SCUBE3: variants seen among roughly 807,000 people sequenced by gnomAD.
SCUBE3 encodes signal peptide, CUB and EGF-like domain-containing protein 3.
SCUBE3 carries 33 observed loss-of-function variants against 116.8 expected under a neutral mutation model. That is an observed-to-expected ratio of 0.28 (90% CI 0.21 to 0.38). The LOEUF is 0.38. Among genes scored for constraint, SCUBE3 ranks in the 10% least tolerant of loss-of-function variants. The probability of loss-of-function intolerance (pLI) is 1.00; values close to 1 mark genes in which losing one functional copy is unlikely to be tolerated. For synonymous variants in SCUBE3, 418 were observed against 496.9 expected (o/e 0.84, Z 2.11); for missense variants, 1,007 against 1,324.8 (o/e 0.76, Z 3.72).
In SCUBE3 at chr6:35,245,954, C is replaced by T. The variant is rs111721697; in HGVS notation, c.2610C>T (p.Ser870=). Residue 870 remains serine, a synonymous_variant, in exon 20 of 22, where the codon TCC becomes TCT. Transcript: ENST00000274938. This position sits in a 1 kb window ranked among gnomAD's most constrained non-coding sequence, Gnocchi z 4.2. ...TGCTTGCCTTCCCAGCATCCCCATC[C>T]TCCATTACCACTTATGAGACCTGCC... ...VLVMRKNSSP[S]SITTYETCQT... The T allele has an allele frequency of 3.7e-6, 6 of 1,614,086 alleles. No homozygotes were observed. In the African/African-American group the frequency reaches 4.0e-5, roughly 11 times the overall value.
At chr6:35,236,087 T>G (rs1275817560) in intron 6 of SCUBE3, among the ~76,000 whole-genome samples, 2 of 152,230 alleles carry the variant, frequency 1.3e-5, no homozygotes, top group South Asian at 4.1e-4. Context: ...ATCCTCAGTT[T>G]ACTTTTCTAT....
chr6:35,227,800 G>C, intron 2 of SCUBE3, 98 bp downstream of exon 2: 1 of 1,264,240 alleles, frequency 7.9e-7, no homozygotes, highest in Non-Finnish European at 1.1e-6. Context: ...ATCAAGGCTA[G>C]AAATTCCACT....
chr6:35,240,628 A>C lies in SCUBE3; in HGVS notation c.1069+138A>C, dbSNP rs1783997881. ...ACCATGTCTGCATCCGCTGTGACAA[A>C]ATAGGAGGAATTAAGACAGCTTTTG... On this transcript the variant is annotated intron_variant, in intron 9 of 21. Transcript: ENST00000274938. This position sits in a 1 kb window ranked among gnomAD's most constrained non-coding sequence, Gnocchi z 4.6. 1 of 535,826 alleles carries C rather than the reference A, an allele frequency of 1.9e-6. No homozygotes were observed. The highest frequency in any genetic ancestry group is 1.9e-5 in the African/African-American group (1 of 51,518). The allele number at this position is 535,826 out of a possible 1,614,324, so 33.2% of individuals were successfully genotyped here. A position where few individuals can be genotyped will look rare whatever the true frequency, so the allele number is the denominator to read the frequency against.
At position 35,239,647 on chromosome 6, in the gene SCUBE3, C is replaced by T; in HGVS notation, c.830-105C>T. The stretch of plus-strand genomic sequence containing the variant: ...AGATCAAGAAGAGGCAGGCCCAGGA[C>T]TCCTTGATTTTTGCATGTCTCTGTC... On this transcript the variant is annotated intron_variant, in intron 7 of 21. Transcript: ENST00000274938. This position sits in a 1 kb window ranked among gnomAD's most constrained non-coding sequence, Gnocchi z 4.1. The T allele has an allele frequency of 9.9e-7, 1 of 1,007,300 alleles. No homozygotes were observed. Among genetic ancestry groups the T allele is most frequent in the Non-Finnish European group, 1.5e-6 (1 of 661,404 alleles). The allele number at this position is 1,007,300 out of a possible 1,614,324, so 62.4% of individuals were successfully genotyped here. A position where few individuals can be genotyped will look rare whatever the true frequency, so the allele number is the denominator to read the frequency against.
chr6:35,235,139 G>A lies in SCUBE3; in HGVS notation c.712+1838G>A, dbSNP rs1022686653. ...TTTGGGATTTGGGATTTTGTGGTTAGTAAGACTTGAGGGTGCATCCCAGCT... is the reference window on the plus strand; with the variant it reads ...TTTGGGATTTGGGATTTTGTGGTTAATAAGACTTGAGGGTGCATCCCAGCT... On this transcript the variant is annotated intron_variant, in intron 6 of 21. Coordinates refer to ENST00000274938, the MANE Select transcript of SCUBE3 (RefSeq NM_152753.4). This position sits in a 1 kb window ranked among gnomAD's most constrained non-coding sequence, Gnocchi z 4.5. 3.9e-5 allele frequency among the ~76,000 whole-genome samples: 6 copies of A among 152,170 alleles called. No homozygotes were observed. The highest frequency in any genetic ancestry group is 2.0e-4 in the Admixed American group (3 of 15,298).
chr6:35,236,394 C>T (rs2150303639), intron 6 of SCUBE3, among the ~76,000 whole-genome samples: 1 of 152,348 alleles, frequency 6.6e-6, no homozygotes, highest in East Asian at 1.9e-4. Context: ...GGCATAAGAT[C>T]TCTGTGCCCC....
rs769387024 is a variant in SCUBE3 at position 35,228,788 on chromosome 6, A to AGG, written c.334+50_334+51insGG. 1 of 1,581,400 alleles carries AGG rather than the reference A, an allele frequency of 6.3e-7. No individual in the cohort carries two copies. Among genetic ancestry groups the AGG allele is most frequent in the African/African-American group, 1.3e-5 (1 of 74,420 alleles). On this transcript the variant is annotated intron_variant, in intron 3 of 21. Transcript: ENST00000274938. This position sits in a 1 kb window ranked among gnomAD's most constrained non-coding sequence, Gnocchi z 4.9. Reference sequence around the variant, plus strand: ...GTGGAGGGATGTCTTGTGGAGAAAGAGATCTTTTCAGCATTTCCTATTTCC... The same window carrying AGG: ...GTGGAGGGATGTCTTGTGGAGAAAGAGGGATCTTTTCAGCATTTCCTATTTCC...
At position 35,245,560 on chromosome 6, in the gene SCUBE3, C is replaced by T. The variant is rs576709711; in HGVS notation, c.2599+135C>T. ...CTATGAGGGTGAAATAGTGAGAGGCCTTTAGGAAGAGAGAAGCTAACAAAG... is the reference window on the plus strand; with the variant it reads ...CTATGAGGGTGAAATAGTGAGAGGCTTTTAGGAAGAGAGAAGCTAACAAAG... On this transcript the variant is annotated intron_variant, in intron 19 of 21. Coordinates refer to ENST00000274938, the MANE Select transcript of SCUBE3 (RefSeq NM_152753.4). The surrounding 1 kb of genome is among the most constrained non-coding windows in gnomAD (Gnocchi z 4.2). 2.8e-6 allele frequency: 2 copies of T among 704,190 alleles called. No homozygotes were observed. The highest frequency in any genetic ancestry group is 5.3e-5 in the Admixed American group (2 of 37,754). The allele number at this position is 704,190 out of a possible 1,614,324, so 43.6% of individuals were successfully genotyped here.
intron 13 of SCUBE3, 112 bp downstream of exon 13, chr6:35,242,432 GAGGAA>G (rs753862916): frequency 5.2e-6 from 5 of 954,590 alleles, no homozygotes; most frequent in East Asian, 4.8e-5. Flanking sequence ...AGGCAGAGCA[GAGGAA>G]AAAGCAGCTG....
Position 35,228,867 on chromosome 6 carries a change from T to C in SCUBE3, c.334+128T>C. 2.0e-6 allele frequency: 2 copies of C among 995,900 alleles called. No individual in the cohort carries two copies. Among genetic ancestry groups the C allele is most frequent in the African/African-American group, 1.6e-5 (1 of 63,078 alleles). The allele number at this position is 995,900 out of a possible 1,614,324, so 61.7% of individuals were successfully genotyped here. A position where few individuals can be genotyped will look rare whatever the true frequency, so the allele number is the denominator to read the frequency against. On this transcript the variant is annotated intron_variant, in intron 3 of 21. Coordinates refer to ENST00000274938, the MANE Select transcript of SCUBE3 (RefSeq NM_152753.4). The surrounding 1 kb of genome is among the most constrained non-coding windows in gnomAD (Gnocchi z 4.9). ...GAGCTACATTCACAAGAGAATAAGG[T>C]CAGCCTCCCCTTTGAGACTGGCCAC...
chr6:35,244,617 A>T lies in SCUBE3; in HGVS notation c.2240-33A>T. On this transcript the variant is annotated intron_variant, in intron 17 of 21. Coordinates refer to ENST00000274938, the MANE Select transcript of SCUBE3 (RefSeq NM_152753.4). This position sits in a 1 kb window ranked among gnomAD's most constrained non-coding sequence, Gnocchi z 4.3. ...GCCCCGTAACTCCCACCTGCCTACC[A>T]TCTTGATTCCTGCCCTTCTCCCTTG... is the stretch of plus-strand genomic sequence containing the variant. 6.2e-7 allele frequency: 1 copy of T among 1,601,466 alleles called. No individual in the cohort carries two copies. Among genetic ancestry groups the T allele is most frequent in the Non-Finnish European group, 8.6e-7 (1 of 1,169,390 alleles).
At chr6:35,220,190 T>C (rs1581908913) in intron 1 of SCUBE3, among the ~76,000 whole-genome samples, 2 of 152,224 alleles carry the variant, frequency 1.3e-5, no homozygotes, top group African/African-American at 4.8e-5. Flanking sequence ...CTCAAGTGCT[T>C]AGAGAACACA....
At chr6:35,227,792 C>T in intron 2 of SCUBE3, 90 bp downstream of exon 2, 1 of 1,360,190 alleles carries the variant, frequency 7.4e-7, no homozygotes. Context: ...TCCATCACAT[C>T]AAGGCTAGAA....
At position 35,248,808 on chromosome 6, in the gene SCUBE3, T is replaced by C; in HGVS notation, c.*103T>C. ...GACAAGGAACTCTCTCCTCTCTTTT[T>C]GGAGGGAAAAAAAAAATATCACTAC... On this transcript the variant is annotated 3_prime_UTR_variant, in exon 22 of 22. Coordinates refer to ENST00000274938, the MANE Select transcript of SCUBE3 (RefSeq NM_152753.4). 1.1e-6 allele frequency: 1 copy of C among 896,528 alleles called. No homozygotes were observed. Among genetic ancestry groups the C allele is most frequent in the African/African-American group, 1.7e-5 (1 of 59,858 alleles). 55.5% of individuals were successfully genotyped at this position (896,528 alleles called of 1,614,324 possible).
In SCUBE3 at chr6:35,251,182, C is replaced by G. The variant is rs950894650; in HGVS notation, c.*2477C>G. ...TTTTTTTTTTTTTTTGAGATGGAGT[C>G]TCGCTCTGTCACCCAGGCTGGAGTG... On this transcript the variant is annotated 3_prime_UTR_variant, in exon 22 of 22. Transcript: ENST00000274938. 5.8e-5 allele frequency: 7 copies of G among 120,714 alleles called. No homozygotes were observed. Among genetic ancestry groups the G allele is most frequent in the African/African-American group, 2.2e-4 (7 of 31,728 alleles). 7.5% of individuals were successfully genotyped at this position (120,714 alleles called of 1,614,324 possible). A position where few individuals can be genotyped will look rare whatever the true frequency, so the allele number is the denominator to read the frequency against.
chr6:35,248,667 C>T lies in SCUBE3; in HGVS notation c.2944C>T (p.Arg982Cys), dbSNP rs781373528. 1.4e-5 allele frequency: 22 copies of T among 1,613,960 alleles called. No homozygotes were observed. The highest frequency in any genetic ancestry group is 1.6e-4 in the Middle Eastern group (1 of 6,084). The change falls in exon 22 of 22, where the codon CGC (arginine) becomes TGC (cysteine). Residue 982 changes from arginine to cysteine, a missense_variant. By Grantham distance (180) the Arg-to-Cys change is radical (BLOSUM62 -3). Coordinates refer to ENST00000274938, the MANE Select transcript of SCUBE3 (RefSeq NM_152753.4). ...GCCAAAATCCTTCATCAAGCTGCTCCGCTCCAAAGTTTCCAGCTTCCTGAG... is the reference window on the plus strand; with the variant it reads ...GCCAAAATCCTTCATCAAGCTGCTCTGCTCCAAAGTTTCCAGCTTCCTGAG... ...MLPKSFIKLL[R>C]SKVSSFLRPY...
At chr6:35,234,672 C>A (rs1019096374) in intron 6 of SCUBE3, among the ~76,000 whole-genome samples, 2 of 152,228 alleles carry the variant, frequency 1.3e-5, no homozygotes, top group Non-Finnish European at 2.9e-5. Flanking sequence ...CACATTCACA[C>A]ATCCCCAGTC....
At chr6:35,218,839 C>G (rs59406475) in intron 1 of SCUBE3, among the ~76,000 whole-genome samples, 1 of 152,182 alleles carries the variant, frequency 6.6e-6, no homozygotes, top group African/African-American at 2.4e-5. Flanking sequence ...TCAAGTGGCA[C>G]CGGGGATATA....
At chr6:35,226,410 G>A (rs921997050) in intron 1 of SCUBE3, among the ~76,000 whole-genome samples, 3 of 147,108 alleles carry the variant, frequency 2.0e-5, no homozygotes, top group Non-Finnish European at 1.5e-5. Context: ...TGAATAACAT[G>A]TTTCTCTATT....
Sources: allele counts gnomAD v4.1 joint callset (sites outside exome capture counted in the v4.1 genomes callset), GRCh38; gene constraint gnomAD v4.1.1; non-coding constraint Gnocchi (gnomAD v3.1); transcripts MANE v1.5; gene names NCBI Gene and HGNC (gene_info 2026-07-23, HGNC 2026-07-21).